ADAMTS2: variants seen among roughly 807,000 people sequenced by gnomAD.
ADAMTS2 encodes ADAM metallopeptidase with thrombospondin type 1 motif 2, also known as A disintegrin and metalloproteinase with thrombospondin motifs 2.
ADAMTS2 carries 50 observed loss-of-function variants against 123.0 expected under a neutral mutation model. The ratio of observed to expected loss-of-function variants is 0.41; its 90% CI spans 0.32 to 0.51. The LOEUF is 0.51. ADAMTS2 is among the 20% of genes least tolerant of loss of function. ADAMTS2 has a pLI of 0.35. For synonymous variants in ADAMTS2, 678 were observed against 695.4 expected, an observed-to-expected ratio of 0.98 and a Z score of 0.39; for missense variants, 1,494 against 1,705.2, an observed-to-expected ratio of 0.88 and a Z score of 2.18.
intron 3 of ADAMTS2, among the ~76,000 whole-genome samples, chr5:179,224,148 C>A (rs1765214448): frequency 6.6e-6 from 1 of 152,190 alleles, no homozygotes; most frequent in Admixed American, 6.5e-5. Flanking sequence ...CCGTCATTTA[C>A]AGGGAGAGCA....
Position 179,252,876 on chromosome 5 carries a change from T to C in ADAMTS2, c.688+20035A>G, listed in dbSNP as rs539477345. 9.8e-5 allele frequency among the ~76,000 whole-genome samples: 15 copies of C among 152,384 alleles called. No homozygotes were observed. The East Asian group carries it at 2.9e-3, about 29-fold the overall frequency. On this transcript the variant is annotated intron_variant, in intron 3 of 21. Coordinates refer to ENST00000251582, the MANE Select transcript of ADAMTS2 (RefSeq NM_014244.5). ...ATTCTCTCAAAAATGATGATAAATTTGTCAATTTCTCTATTTCTAACAAAG... is the reference window on the plus strand; with the variant it reads ...ATTCTCTCAAAAATGATGATAAATTCGTCAATTTCTCTATTTCTAACAAAG...
At chr5:179,327,651 G>C (rs954435847) in intron 2 of ADAMTS2, among the ~76,000 whole-genome samples, 1 of 152,170 alleles carries the variant, frequency 6.6e-6, no homozygotes, top group Admixed American at 6.5e-5. Flanking sequence ...GTGCCACCGT[G>C]GGGAAATGGG....
intron 4 of ADAMTS2, among the ~76,000 whole-genome samples, chr5:179,191,555 G>C (rs1221998102): frequency 6.9e-6 from 1 of 144,040 alleles, no homozygotes; most frequent in African/African-American, 2.5e-5. Context: ...AAGAGGGAAG[G>C]AAAATGCCGC....
chr5:179,183,415 C>T (rs2113317539), intron 4 of ADAMTS2, among the ~76,000 whole-genome samples: 1 of 152,362 alleles, frequency 6.6e-6, no homozygotes, highest in East Asian at 1.9e-4. Flanking sequence ...CAACCCCAAC[C>T]TCACAGGTCA....
chr5:179,116,095 C>T (rs1229889686), intron 21 of ADAMTS2, among the ~76,000 whole-genome samples: 1 of 152,110 alleles, frequency 6.6e-6, no homozygotes, highest in East Asian at 1.9e-4. Flanking sequence ...CCGTCCTAGA[C>T]ACTCTCAGAT....
chr5:179,132,777 C>T lies in ADAMTS2; in HGVS notation c.2209G>A (p.Gly737Ser), dbSNP rs965862987. 2 of 1,613,982 alleles carry T rather than the reference C, an allele frequency of 1.2e-6. No homozygotes were observed. Among genetic ancestry groups the T allele is most frequent in the African/African-American group, 1.3e-5 (1 of 74,916 alleles). ...GGGTGGAGAGCAGGGACCCACTCAC[C>T]ATGCTTCTTGGGTGACCGTGTGAAC... is the stretch of plus-strand genomic sequence containing the variant. ...GTFTRSPKKH[G>S]YIKMFEIPAG... The change falls in exon 14 of 22, where the codon GGT (glycine) becomes AGT (serine). Residue 737 changes from glycine to serine, a missense_variant and splice_region_variant. Physicochemically the swap from Gly to Ser is moderately conservative, Grantham distance 56. Coordinates refer to ENST00000251582, the MANE Select transcript of ADAMTS2 (RefSeq NM_014244.5). This position sits in a 1 kb window ranked among gnomAD's most constrained non-coding sequence, Gnocchi z 6.1.
chr5:179,124,820 G>A (rs552758908), intron 19 of ADAMTS2, among the ~76,000 whole-genome samples, 153 bp downstream of exon 19: 4 of 151,974 alleles, frequency 2.6e-5, no homozygotes, highest in Admixed American at 6.5e-5. Context: ...TGCAGGCCCG[G>A]CGGCTCTCAG....
At position 179,115,294 on chromosome 5, in the gene ADAMTS2, C is replaced by T. The variant is rs1762640041; in HGVS notation, c.3179-970G>A. ...CTTGCGCTCACACTCTCTTTACTCT[C>T]TGTCTCCTTCCCAAGTTTTCACCCC... On this transcript the variant is annotated intron_variant, in intron 21 of 21. Coordinates refer to ENST00000251582, the MANE Select transcript of ADAMTS2 (RefSeq NM_014244.5). This position sits in a 1 kb window ranked among gnomAD's most constrained non-coding sequence, Gnocchi z 4.4. Among the ~76,000 whole-genome samples the T allele has an allele frequency of 6.6e-6, 1 of 152,200 alleles. No individual in the cohort carries two copies. Among genetic ancestry groups the T allele is most frequent in the Non-Finnish European group, 1.5e-5 (1 of 68,048 alleles).
Position 179,126,597 on chromosome 5 carries a change from A to G in ADAMTS2, c.2618-467T>C, listed in dbSNP as rs186970437. On this transcript the variant is annotated intron_variant, in intron 17 of 21. Coordinates refer to ENST00000251582, the MANE Select transcript of ADAMTS2 (RefSeq NM_014244.5). ...GTCTGGGACATGTTTGGTTGTCACA[A>G]CTGGGGGAAGGGGTGCTACTGGCAT... is the stretch of plus-strand genomic sequence containing the variant. 1.2e-3 allele frequency among the ~76,000 whole-genome samples: 182 copies of G among 152,328 alleles called. 1 individual carries two copies. The highest frequency in any genetic ancestry group is 3.9e-3 in the African/African-American group (164 of 41,574).
At chr5:179,220,820 G>A (rs1443770922) in intron 3 of ADAMTS2, among the ~76,000 whole-genome samples, 7 of 152,202 alleles carry the variant, frequency 4.6e-5, no homozygotes, top group Non-Finnish European at 7.3e-5. Flanking sequence ...TGAGCCCTGC[G>A]TTCATGCAGG....
rs1451177720 is a variant in ADAMTS2, at chr5:179,188,153, G to A, written c.892-6998C>T. On this transcript the variant is annotated intron_variant, in intron 4 of 21. Coordinates refer to ENST00000251582, the MANE Select transcript of ADAMTS2 (RefSeq NM_014244.5). The surrounding 1 kb of genome is among the most constrained non-coding windows in gnomAD (Gnocchi z 5.1). Reference sequence around the variant, plus strand: ...AGCAGCCACCCCAACCTTCAGGAAAGTTCCCATGTCCTTCGCTCAGCTGAG... The same window carrying A: ...AGCAGCCACCCCAACCTTCAGGAAAATTCCCATGTCCTTCGCTCAGCTGAG... 2.6e-5 allele frequency among the ~76,000 whole-genome samples: 4 copies of A among 152,204 alleles called. No homozygotes were observed. The South Asian group carries it at 8.3e-4, about 32-fold the overall frequency.
At chr5:179,323,938 T>C (rs1190328435) in intron 2 of ADAMTS2, among the ~76,000 whole-genome samples, 1 of 152,244 alleles carries the variant, frequency 6.6e-6, no homozygotes, top group Non-Finnish European at 1.5e-5. Flanking sequence ...GGTACATCCA[T>C]GCAATGGAAT....
Position 179,262,613 on chromosome 5 carries a change from A to G in ADAMTS2, c.688+10298T>C, listed in dbSNP as rs1337528793. ...GTAACTCCAGCCTCAGGGCTCCTGC[A>G]TGTGCTGTTCCCTCTGCCTGGAACA... On this transcript the variant is annotated intron_variant, in intron 3 of 21. Coordinates refer to ENST00000251582, the MANE Select transcript of ADAMTS2 (RefSeq NM_014244.5). This position sits in a 1 kb window ranked among gnomAD's most constrained non-coding sequence, Gnocchi z 5.9. Among the ~76,000 whole-genome samples, 3 of 152,202 alleles carry G rather than the reference A, an allele frequency of 2.0e-5. No individual in the cohort carries two copies. In the East Asian group the frequency reaches 5.8e-4, roughly 29 times the overall value.
intron 3 of ADAMTS2, among the ~76,000 whole-genome samples, chr5:179,224,807 G>C (rs7715542): frequency 0.22 from 32,402 of 148,480 alleles, 3,915 homozygotes; most frequent in African/African-American, 0.35. Context: ...TGGGTCCCCA[G>C]GTCTGTCTGC....
In ADAMTS2 at chr5:179,135,998, C is replaced by T. The variant is rs2113214611; in HGVS notation, c.1996G>A (p.Glu666Lys). 1.2e-6 allele frequency: 2 copies of T among 1,613,464 alleles called. No homozygotes were observed. Among genetic ancestry groups the T allele is most frequent in the Non-Finnish European group, 1.7e-6 (2 of 1,180,020 alleles). ...HLYCESRETG[E>K]VVSMKRMVHD... is the part of the protein sequence containing the mutation. ...ACCATGCGCTTCATGGACACCACCT[C>T]CCCGGTCTCCCTGGACTCGCAGTAC... Residue 666 changes from glutamate to lysine, a missense_variant, in exon 13 of 22, where the codon GAG (glutamate) becomes AAG (lysine). By Grantham distance (56) the Glu-to-Lys change is moderately conservative. Coordinates refer to ENST00000251582, the MANE Select transcript of ADAMTS2 (RefSeq NM_014244.5).
intron 2 of ADAMTS2, among the ~76,000 whole-genome samples, chr5:179,318,134 T>G (rs1451660084): frequency 3.3e-5 from 5 of 152,164 alleles, no homozygotes; most frequent in African/African-American, 1.2e-4. Context: ...CCTCCTGCCC[T>G]TCCCATCCAA....
At chr5:179,133,652 T>C (rs1042846867) in intron 13 of ADAMTS2, among the ~76,000 whole-genome samples, 3 of 152,160 alleles carry the variant, frequency 2.0e-5, no homozygotes, top group African/African-American at 7.2e-5. Flanking sequence ...AATATTTATG[T>C]TTTCTAATTA....
At chr5:179,287,222 T>G (rs986364386) in intron 2 of ADAMTS2, among the ~76,000 whole-genome samples, 5 of 152,108 alleles carry the variant, frequency 3.3e-5, no homozygotes, top group Non-Finnish European at 7.4e-5. Context: ...AAATCCAGCA[T>G]GGAGGAAAGC....
intron 3 of ADAMTS2, among the ~76,000 whole-genome samples, chr5:179,270,032 C>A (rs984933776): frequency 1.3e-5 from 2 of 152,154 alleles, no homozygotes; most frequent in Non-Finnish European, 2.9e-5. Context: ...CTAATAACAT[C>A]CTCTCCCGGG....
Sources: allele counts gnomAD v4.1 joint callset (sites outside exome capture counted in the v4.1 genomes callset), GRCh38; gene constraint gnomAD v4.1.1; non-coding constraint Gnocchi (gnomAD v3.1); transcripts MANE v1.5; gene names NCBI Gene and HGNC (gene_info 2026-07-23, HGNC 2026-07-21).